The following HNRNPF variants were observed in gnomAD, a reference collection of about 807,000 sequenced individuals.
HNRNPF encodes heterogeneous nuclear ribonucleoprotein F, also known as HnRNP F protein.
Under a neutral mutation model 26.0 loss-of-function variants are expected in HNRNPF, and 2 were observed. The ratio of observed to expected loss-of-function variants is 0.08; its 90% CI spans 0.03 to 0.24. The LOEUF is 0.24. HNRNPF is among the 10% of genes least tolerant of loss of function. HNRNPF has a pLI of 1.00. For missense variants in HNRNPF, 299 were observed against 539.2 expected (o/e 0.55, Z 4.41); for synonymous variants, 234 against 211.5 (o/e 1.11, Z -0.92).
chr10:43,391,258 A>G (rs1278729998), intron 3 of HNRNPF, among the ~76,000 whole-genome samples: 2 of 149,642 alleles, frequency 1.3e-5, no homozygotes, highest in East Asian at 3.9e-4. Context: ...GCACCACTGC[A>G]CTCCAGCCTG....
intron 1 of HNRNPF, among the ~76,000 whole-genome samples, chr10:43,400,552 G>A (rs10899799): frequency 0.35 from 52,690 of 151,966 alleles, 10,853 homozygotes; most frequent in African/African-American, 0.59. Flanking sequence ...TGAAAATTGG[G>A]TTTAATGGCC....
Position 43,387,998 on chromosome 10 carries a change from A to T in HNRNPF, c.-52-62T>A, listed in dbSNP as rs1435659214. Reference sequence around the variant, plus strand: ...AACAGAAATTTTCCCCATTTTACAGACGAGAGAGGTAGCAAGACATTAAGA... The same window carrying T: ...AACAGAAATTTTCCCCATTTTACAGTCGAGAGAGGTAGCAAGACATTAAGA... On this transcript the variant is annotated intron_variant, in intron 3 of 3. Transcript: ENST00000682386. This position sits in a 1 kb window ranked among gnomAD's most constrained non-coding sequence, Gnocchi z 6.0. 1.2e-6 allele frequency: 1 copy of T among 822,854 alleles called. No homozygotes were observed. The highest frequency in any genetic ancestry group is 2.7e-5 in the East Asian group (1 of 37,734). 51.0% of individuals were successfully genotyped at this position (822,854 alleles called of 1,614,324 possible).
At chr10:43,388,917 A>G (rs1036079011) in intron 3 of HNRNPF, among the ~76,000 whole-genome samples, 5 of 152,038 alleles carry the variant, frequency 3.3e-5, no homozygotes, top group African/African-American at 1.2e-4. Context: ...GTATTTTTAT[A>G]TGAACACTGT....
Position 43,385,944 on chromosome 10 carries a change from TA to T in HNRNPF, c.*692del, listed in dbSNP as rs1564391733. 1 of 152,688 alleles carries T rather than the reference TA, an allele frequency of 6.5e-6. No homozygotes were observed. Among genetic ancestry groups the T allele is most frequent in the Non-Finnish European group, 1.5e-5 (1 of 68,050 alleles). 9.5% of individuals were successfully genotyped at this position (152,688 alleles called of 1,614,324 possible). On this transcript the variant is annotated 3_prime_UTR_variant, in exon 4 of 4. Transcript: ENST00000682386. ...ATGTATGAAATTTTTAAATTCACAC[TA>T]AAATACATTACGATTAAAATGAATT...
intron 3 of HNRNPF, among the ~76,000 whole-genome samples, chr10:43,393,316 C>T (rs1378977852): frequency 6.6e-6 from 1 of 152,158 alleles, no homozygotes; most frequent in African/African-American, 2.4e-5. Flanking sequence ...CAAGCATAGG[C>T]CGGGCGCAGT....
At chr10:43,390,818 AT>A (rs1045053897) in intron 3 of HNRNPF, among the ~76,000 whole-genome samples, 3 of 152,046 alleles carry the variant, frequency 2.0e-5, no homozygotes, top group Non-Finnish European at 4.4e-5. Context: ...GACTACTGAC[AT>A]TTTGGACCAG....
At position 43,386,718 on chromosome 10, in the gene HNRNPF, G is replaced by A. The variant is rs375590998; in HGVS notation, c.1167C>T (p.Tyr389=). 96 of 1,613,626 alleles carry A rather than the reference G, an allele frequency of 5.9e-5. No homozygotes were observed. Among genetic ancestry groups the A allele is most frequent in the Middle Eastern group, 5.0e-4 (3 of 6,058 alleles). ...GMGVSAAQAT[Y]SGLESQSVSG... ...TCACTGACTGGCTCTCCAGGCCACT[G>A]TAAGTGGCCTGGGCAGCAGACACCC... Residue 389 remains tyrosine (Y), a synonymous_variant, in exon 4 of 4, where the codon TAC becomes TAT. Coordinates refer to ENST00000682386, the MANE Select transcript of HNRNPF (RefSeq NM_001098204.2).
At position 43,401,007 on chromosome 10, in the gene HNRNPF, G is replaced by A. The variant is rs184687776; in HGVS notation, c.-246-4417C>T. Among the ~76,000 whole-genome samples, 29 of 152,292 alleles carry A rather than the reference G, an allele frequency of 1.9e-4. No individual in the cohort carries two copies. In the Middle Eastern group the frequency reaches 0.01, roughly 54 times the overall value. The stretch of plus-strand genomic sequence containing the variant: ...TGAGGCAGGAGAATGGTGTGAACCC[G>A]GGAGGCGGAACTTGCAGGGAGCCCA... On this transcript the variant is annotated intron_variant, in intron 1 of 3. Transcript: ENST00000682386.
At chr10:43,388,780 C>T (rs561878283) in intron 3 of HNRNPF, among the ~76,000 whole-genome samples, 4 of 152,164 alleles carry the variant, frequency 2.6e-5, no homozygotes, top group African/African-American at 9.7e-5. Context: ...GAAGTCCAAA[C>T]TCAGAGTAAG....
intron 1 of HNRNPF, among the ~76,000 whole-genome samples, chr10:43,406,646 C>A (rs1838928341): frequency 6.6e-6 from 1 of 150,574 alleles, no homozygotes; most frequent in Non-Finnish European, 1.5e-5. Flanking sequence ...GAGCCGAGAT[C>A]ACACCATTGC....
intron 1 of HNRNPF, among the ~76,000 whole-genome samples, chr10:43,399,799 T>A (rs1411863778): frequency 6.6e-6 from 1 of 151,948 alleles, no homozygotes; most frequent in African/African-American, 2.4e-5. Context: ...ATACAGGAAC[T>A]GTAGTGGTAA....
At chr10:43,389,283 G>GTT (rs1838152087) in intron 3 of HNRNPF, among the ~76,000 whole-genome samples, 1 of 152,062 alleles carries the variant, frequency 6.6e-6, no homozygotes, top group South Asian at 2.1e-4. Context: ...GAAATCGAAT[G>GTT]TTTCAAAGTG....
At chr10:43,407,290 G>C (rs940544809) in intron 1 of HNRNPF, among the ~76,000 whole-genome samples, 7 of 151,632 alleles carry the variant, frequency 4.6e-5, no homozygotes, top group Admixed American at 4.6e-4. Context: ...GTCCCGCCAC[G>C]CAGATGGCCG....
chr10:43,395,974 A>C (rs891519888), intron 2 of HNRNPF, among the ~76,000 whole-genome samples: 3 of 152,182 alleles, frequency 2.0e-5, no homozygotes, highest in African/African-American at 7.2e-5. Context: ...AGGGCTGCTC[A>C]GCTCCCCCAG....
intron 1 of HNRNPF, among the ~76,000 whole-genome samples, chr10:43,398,332 T>TTTG (rs1242853648): frequency 4.9e-5 from 7 of 143,504 alleles, no homozygotes; most frequent in African/African-American, 1.4e-4. Context: ...CTGTTTGGAG[T>TTTG]TTGTTGTTGT....
chr10:43,404,150 CTACT>C (rs1210238289), intron 1 of HNRNPF, among the ~76,000 whole-genome samples: 1 of 151,338 alleles, frequency 6.6e-6, no homozygotes, highest in Non-Finnish European at 1.5e-5. Context: ...TCCACCATCT[CTACT>C]ATTAGATGGG....
Position 43,387,459 on chromosome 10 carries a change from T to G in HNRNPF, c.426A>C (p.Thr142=), listed in dbSNP as rs140586845. Residue 142 remains threonine, a synonymous_variant, in exon 4 of 4, where the codon ACA becomes ACC. Coordinates refer to ENST00000682386, the MANE Select transcript of HNRNPF (RefSeq NM_001098204.2). The surrounding 1 kb of genome is among the most constrained non-coding windows in gnomAD (Gnocchi z 6.0). ...SGLEIVPNGI[T]LPVDPEGKIT... ...TCTTGCCTTCGGGGTCCACAGGCAATGTGATCCCGTTTGGCACAATTTCCA... is the reference window on the plus strand; with the variant it reads ...TCTTGCCTTCGGGGTCCACAGGCAAGGTGATCCCGTTTGGCACAATTTCCA... 1.2e-6 allele frequency: 2 copies of G among 1,614,208 alleles called. No homozygotes were observed. The highest frequency in any genetic ancestry group is 8.5e-7 in the Non-Finnish European group (1 of 1,180,034).
rs1047239680 is a variant in HNRNPF, at chr10:43,388,632, C to T, written c.-52-696G>A. ...CTGCAAATAAATGGAGAAACCAGATCAGATGATTCACAGGTTCACATAAAA... is the reference window on the plus strand; with the variant it reads ...CTGCAAATAAATGGAGAAACCAGATTAGATGATTCACAGGTTCACATAAAA... On this transcript the variant is annotated intron_variant, in intron 3 of 3. Transcript: ENST00000682386. Among the ~76,000 whole-genome samples the T allele has an allele frequency of 3.4e-4, 52 of 152,240 alleles. 1 individual carries two copies. The highest frequency in any genetic ancestry group is 1.0e-4 in the Non-Finnish European group (7 of 68,048).
At chr10:43,408,135 C>T (rs1364725935) in intron 1 of HNRNPF, among the ~76,000 whole-genome samples, 2 of 152,118 alleles carry the variant, frequency 1.3e-5, no homozygotes, top group Non-Finnish European at 2.9e-5. Flanking sequence ...GTTGCCCAGG[C>T]TTGTCGGGAA....
Sources: allele counts gnomAD v4.1 joint callset (sites outside exome capture counted in the v4.1 genomes callset), GRCh38; gene constraint gnomAD v4.1.1; non-coding constraint Gnocchi (gnomAD v3.1); transcripts MANE v1.5; gene names NCBI Gene and HGNC (gene_info 2026-07-23, HGNC 2026-07-21).